MEMO1: variants seen among roughly 807,000 people sequenced by gnomAD.
MEMO1 encodes protein MEMO1.
Under a neutral mutation model 45.2 loss-of-function variants are expected in MEMO1, and 6 were observed. That is an observed-to-expected ratio of 0.13 (90% CI 0.07 to 0.26). The LOEUF (loss-of-function observed/expected upper bound fraction) is 0.26, where lower values mean the gene tolerates loss of function less well. Ranked by LOEUF, MEMO1 falls within the 10% of genes least tolerant of loss-of-function variation. MEMO1 has a pLI of 1.00. For missense variants in MEMO1, 184 were observed against 370.5 expected, an observed-to-expected ratio of 0.50 and a Z score of 4.13; for synonymous variants, 78 against 124.3, an observed-to-expected ratio of 0.63 and a Z score of 2.48.
intron 7 of MEMO1, among the ~76,000 whole-genome samples, chr2:31,891,207 G>C (rs145265671): frequency 2.6e-5 from 4 of 152,268 alleles, no homozygotes; most frequent in Admixed American, 2.0e-4. Flanking sequence ...TAAATGAACA[G>C]ATATTGGCAT....
chr2:31,909,022 A>G (rs572573414), intron 6 of MEMO1, among the ~76,000 whole-genome samples: 1 of 152,366 alleles, frequency 6.6e-6, no homozygotes, highest in South Asian at 2.1e-4. Flanking sequence ...CACCTGTGTA[A>G]TAACAGGGGA....
chr2:31,970,716 G>T (rs561391826), intron 2 of MEMO1, among the ~76,000 whole-genome samples: 33 of 151,970 alleles, frequency 2.2e-4, no homozygotes, highest in African/African-American at 7.7e-4. Flanking sequence ...CAGGTTCAAA[G>T]ATATTCAGCC....
At chr2:31,899,381 CA>C (rs1159631127) in intron 6 of MEMO1, among the ~76,000 whole-genome samples, 2 of 152,146 alleles carry the variant, frequency 1.3e-5, no homozygotes, top group South Asian at 2.1e-4. Context: ...AATAATGCCA[CA>C]CACCTACAAC....
intron 2 of MEMO1, among the ~76,000 whole-genome samples, chr2:31,952,358 C>T (rs1010577289): frequency 6.6e-6 from 1 of 152,162 alleles, no homozygotes; most frequent in Admixed American, 6.5e-5. Flanking sequence ...GTACCAACCA[C>T]CTCTTAGATT....
chr2:31,992,254 T>G (rs1413804646), intron 2 of MEMO1, among the ~76,000 whole-genome samples: 2 of 152,212 alleles, frequency 1.3e-5, no homozygotes, highest in Non-Finnish European at 2.9e-5. Flanking sequence ...TAGATCAAGT[T>G]TTATTGAAGC....
At chr2:31,984,682 T>G (rs1333370564) in intron 2 of MEMO1, among the ~76,000 whole-genome samples, 5 of 152,222 alleles carry the variant, frequency 3.3e-5, no homozygotes, top group African/African-American at 4.8e-5. Flanking sequence ...GGCGGGCACC[T>G]GTAGTCCCAG....
At chr2:31,963,111 C>A in intron 2 of MEMO1, 2 of 1,459,264 alleles carry the variant, frequency 1.4e-6, no homozygotes, top group Middle Eastern at 1.8e-4. Context: ...CATCCTCAGT[C>A]TCTAACTACA....
Position 31,986,905 on chromosome 2 carries a change from T to C in MEMO1, c.61+23282A>G, listed in dbSNP as rs369543169. The stretch of plus-strand genomic sequence containing the variant: ...GGATAAGAAAAGTCAAGAAAAGAGC[T>C]GGGGAAAGCAATGTCTCGGAAGAGA... On this transcript the variant is annotated intron_variant, in intron 2 of 9. Transcript: ENST00000404530. Among the ~76,000 whole-genome samples the C allele has an allele frequency of 3.8e-4, 58 of 152,244 alleles. 1 individual carries two copies. In the East Asian group the frequency reaches 8.3e-3, roughly 22 times the overall value.
intron 3 of MEMO1, among the ~76,000 whole-genome samples, chr2:31,937,128 T>C (rs932249592): frequency 2.0e-5 from 3 of 152,232 alleles, no homozygotes; most frequent in African/African-American, 7.2e-5. Context: ...CTGTACCTAG[T>C]CTTTTATTCT....
intron 4 of MEMO1, 48 bp from the exon 5 acceptor site, chr2:31,920,958 A>G: frequency 8.3e-7 from 1 of 1,207,720 alleles, no homozygotes; most frequent in Middle Eastern, 2.0e-4. Flanking sequence ...ACTTCTACAC[A>G]AACCTTATTA....
At chr2:31,888,388 T>C (rs1370846073) in intron 7 of MEMO1, among the ~76,000 whole-genome samples, 1 of 152,116 alleles carries the variant, frequency 6.6e-6, no homozygotes, top group Admixed American at 6.6e-5. Flanking sequence ...TAATGAAAGC[T>C]GCCAACAATC....
At chr2:31,990,568 T>C (rs954417664) in intron 2 of MEMO1, among the ~76,000 whole-genome samples, 3 of 148,716 alleles carry the variant, frequency 2.0e-5, no homozygotes, top group Non-Finnish European at 4.5e-5. Flanking sequence ...CTAAATTTTT[T>C]TTCTTTTTTT....
chr2:31,886,977 T>G (rs865838900), intron 7 of MEMO1, among the ~76,000 whole-genome samples: 26 of 152,042 alleles, frequency 1.7e-4, no homozygotes, highest in Non-Finnish European at 2.1e-4. Context: ...CTTTTCAAAT[T>G]CAAAAGATGA....
intron 4 of MEMO1, among the ~76,000 whole-genome samples, chr2:31,930,658 T>C (rs7600278): frequency 6.6e-6 from 1 of 151,680 alleles, no homozygotes; most frequent in Admixed American, 6.6e-5. Flanking sequence ...ATATATATAT[T>C]TTTTTTGAAA....
intron 6 of MEMO1, among the ~76,000 whole-genome samples, chr2:31,911,278 A>G (rs1257592170): frequency 6.6e-6 from 1 of 152,238 alleles, no homozygotes; most frequent in East Asian, 1.9e-4. Flanking sequence ...TTGAAAGGCT[A>G]TATACTGCAT....
intron 6 of MEMO1, among the ~76,000 whole-genome samples, chr2:31,905,175 G>C (rs577605445): frequency 3.9e-5 from 6 of 152,110 alleles, no homozygotes; most frequent in African/African-American, 7.2e-5. Flanking sequence ...TGGAGGCTGT[G>C]GTGAGCTGTA....
intron 2 of MEMO1, among the ~76,000 whole-genome samples, chr2:31,957,142 CAAAA>C (rs754542523): frequency 3.9e-5 from 3 of 77,650 alleles, no homozygotes; most frequent in African/African-American, 5.6e-5. Context: ...AACTCCGTCT[CAAAA>C]AAAAAAAAAA....
intron 2 of MEMO1, among the ~76,000 whole-genome samples, chr2:32,005,120 C>T (rs918074450): frequency 6.6e-6 from 1 of 151,906 alleles, no homozygotes; most frequent in African/African-American, 2.4e-5. Context: ...GAACAAAGTA[C>T]AATACAACAT....
At chr2:31,897,061 A>G (rs1182544596) in intron 6 of MEMO1, among the ~76,000 whole-genome samples, 1 of 152,188 alleles carries the variant, frequency 6.6e-6, no homozygotes, top group Non-Finnish European at 1.5e-5. Context: ...TGATTTTTGC[A>G]CACTGATTTT....
Sources: allele counts gnomAD v4.1 joint callset (sites outside exome capture counted in the v4.1 genomes callset), GRCh38; gene constraint gnomAD v4.1.1; transcripts MANE v1.5; gene names NCBI Gene and HGNC (gene_info 2026-07-23, HGNC 2026-07-21).